LMBRD2: variants seen among roughly 807,000 people sequenced by gnomAD.
LMBRD2 encodes LMBR1 domain containing 2.
LMBRD2 carries 55 observed loss-of-function variants against 94.4 expected under a neutral mutation model. The ratio of observed to expected loss-of-function variants is 0.58; its 90% CI spans 0.47 to 0.73. The LOEUF (loss-of-function observed/expected upper bound fraction) is 0.73. Ranked by LOEUF, LMBRD2 falls within the 30% of genes least tolerant of loss-of-function variation. LMBRD2 has a pLI of 0.00. For missense variants in LMBRD2, 640 were observed against 831.9 expected (o/e 0.77, Z 2.84); for synonymous variants, 246 against 272.4 (o/e 0.90, Z 0.95).
intron 13 of LMBRD2, among the ~76,000 whole-genome samples, chr5:36,113,490 T>C (rs1368928502): frequency 6.6e-6 from 1 of 152,090 alleles, no homozygotes; most frequent in African/African-American, 2.4e-5. Flanking sequence ...CTGCTACAAT[T>C]TGAAGTTATA....
chr5:36,099,652 T>C lies in LMBRD2; in HGVS notation c.*4394A>G, dbSNP rs1249393253. The C allele has an allele frequency of 6.6e-6, 1 of 152,170 alleles. No homozygotes were observed. Among genetic ancestry groups the C allele is most frequent in the Non-Finnish European group, 1.5e-5 (1 of 68,012 alleles). 9.4% of individuals were successfully genotyped at this position (152,170 alleles called of 1,614,324 possible). A position where few individuals can be genotyped will look rare whatever the true frequency, so the allele number is the denominator to read the frequency against. On this transcript the variant is annotated 3_prime_UTR_variant, in exon 18 of 18. Transcript: ENST00000296603. Reference sequence around the variant, plus strand: ...GTCTGCAATAGTAAATCATTCTTTCTACTCTTTTGAACTAAGTACAGTAAA... The same window carrying C: ...GTCTGCAATAGTAAATCATTCTTTCCACTCTTTTGAACTAAGTACAGTAAA...
rs1744434248 is a variant in LMBRD2, at chr5:36,142,497, A to T, written c.272+5T>A. The T allele has an allele frequency of 6.5e-7, 1 of 1,539,560 alleles. No individual in the cohort carries two copies. Among genetic ancestry groups the T allele is most frequent in the Non-Finnish European group, 9.0e-7 (1 of 1,116,048 alleles). On this transcript the variant is annotated splice_donor_5th_base_variant and intron_variant, in intron 3 of 17. Transcript: ENST00000296603. ...TTTATATATTTTTTTTAAAAAAGGA[A>T]ATACCTTGGAACAGGGTTAGCAGTT...
Position 36,123,852 on chromosome 5 carries a change from A to C in LMBRD2, c.822+339T>G, listed in dbSNP as rs1042652439. ...TAACGTGTAGGCAGCTGATTGTAAG[A>C]TATTACTGAGGCCTTGGTTTATTTT... On this transcript the variant is annotated intron_variant, in intron 7 of 17. Coordinates refer to ENST00000296603, the MANE Select transcript of LMBRD2 (RefSeq NM_001007527.2). Among the ~76,000 whole-genome samples, 3 of 151,892 alleles carry C rather than the reference A, an allele frequency of 2.0e-5. No homozygotes were observed. The South Asian group carries it at 6.2e-4, about 31-fold the overall frequency.
intron 1 of LMBRD2, among the ~76,000 whole-genome samples, chr5:36,147,403 G>A (rs527275691): frequency 6.6e-6 from 1 of 152,068 alleles, no homozygotes; most frequent in Non-Finnish European, 1.5e-5. Context: ...AAATGGGGAG[G>A]TAAATAAAAA....
chr5:36,110,980 T>C (rs1358266151), intron 14 of LMBRD2, among the ~76,000 whole-genome samples, 175 bp downstream of exon 14: 1 of 152,122 alleles, frequency 6.6e-6, no homozygotes, highest in Non-Finnish European at 1.5e-5. Context: ...ATTCATGTTT[T>C]CAAATTATTT....
intron 5 of LMBRD2, 52 bp from the exon 6 acceptor site, chr5:36,136,571 T>C: frequency 2.0e-6 from 3 of 1,503,834 alleles, no homozygotes; most frequent in Non-Finnish European, 2.8e-6. Flanking sequence ...AAAGATAAAA[T>C]GCGACTGCAT....
intron 16 of LMBRD2, among the ~76,000 whole-genome samples, chr5:36,107,233 CT>C (rs940860004): frequency 2.7e-4 from 41 of 152,256 alleles, no homozygotes; most frequent in African/African-American, 8.7e-4. Flanking sequence ...AAATTCCCCC[CT>C]ATCTGTTCAT....
intron 6 of LMBRD2, among the ~76,000 whole-genome samples, chr5:36,129,079 A>T (rs1331027147): frequency 6.6e-6 from 1 of 152,170 alleles, no homozygotes; most frequent in East Asian, 1.9e-4. Context: ...AAAAAATAAT[A>T]AAAAAGAATG....
intron 9 of LMBRD2, among the ~76,000 whole-genome samples, chr5:36,120,459 C>T (rs567859272): frequency 6.6e-6 from 1 of 152,268 alleles, no homozygotes; most frequent in Non-Finnish European, 1.5e-5. Flanking sequence ...CGGGGTTTCA[C>T]CATGTTGGCC....
intron 1 of LMBRD2, among the ~76,000 whole-genome samples, chr5:36,149,530 A>G (rs1420574230): frequency 6.6e-6 from 1 of 152,238 alleles, no homozygotes; most frequent in Non-Finnish European, 1.5e-5. Flanking sequence ...TCCAGGACAG[A>G]TGCTGGAACT....
At chr5:36,120,001 CT>C (rs1309588932) in intron 9 of LMBRD2, among the ~76,000 whole-genome samples, 2 of 142,598 alleles carry the variant, frequency 1.4e-5, no homozygotes, top group African/African-American at 5.7e-5. Flanking sequence ...TTTTCTTTCT[CT>C]TTCTTTCTTT....
At position 36,099,498 on chromosome 5, in the gene LMBRD2, G is replaced by A. The variant is rs537820692; in HGVS notation, c.*4548C>T. ...CCCTACAACTTGGTATGCTAAGTAC[G>A]GAAGATGCTTGCCAGCATTGTTGAG... is the stretch of plus-strand genomic sequence containing the variant. On this transcript the variant is annotated 3_prime_UTR_variant, in exon 18 of 18. Transcript: ENST00000296603. 15 of 152,180 alleles carry A rather than the reference G, an allele frequency of 9.9e-5. No homozygotes were observed. The highest frequency in any genetic ancestry group is 3.1e-4 in the African/African-American group (13 of 41,544). The allele number at this position is 152,180 out of a possible 1,614,324, so 9.4% of individuals were successfully genotyped here.
Position 36,105,059 on chromosome 5 carries a change from A to G in LMBRD2, c.2027+9T>C, listed in dbSNP as rs768193470. 1 of 1,611,408 alleles carries G rather than the reference A, an allele frequency of 6.2e-7. No individual in the cohort carries two copies. Among genetic ancestry groups the G allele is most frequent in the African/African-American group, 1.3e-5 (1 of 74,936 alleles). ...ATGCTAGAGCTAAAATGTCACAGCC[A>G]GAACTTACCTTCCTGATTCAGATTC... On this transcript the variant is annotated intron_variant, in intron 17 of 17. Coordinates refer to ENST00000296603, the MANE Select transcript of LMBRD2 (RefSeq NM_001007527.2).
intron 6 of LMBRD2, among the ~76,000 whole-genome samples, chr5:36,131,154 A>G (rs1744141847): frequency 6.6e-6 from 1 of 152,180 alleles, no homozygotes; most frequent in Admixed American, 6.6e-5. Context: ...ATTCAGATTT[A>G]TACTAGGAAT....
At chr5:36,122,785 G>T in intron 8 of LMBRD2, 63 bp downstream of exon 8, 2 of 1,511,598 alleles carry the variant, frequency 1.3e-6, no homozygotes, top group Non-Finnish European at 8.8e-7. Flanking sequence ...TTTTTTATGA[G>T]CAATGATTAG....
At chr5:36,111,029 T>A in intron 14 of LMBRD2, 126 bp downstream of exon 14, 1 of 610,844 alleles carries the variant, frequency 1.6e-6, no homozygotes, top group Non-Finnish European at 2.8e-6. Flanking sequence ...GCTAAAAATG[T>A]GCATTAATTC....
chr5:36,125,154 A>C (rs1743980054), intron 6 of LMBRD2, among the ~76,000 whole-genome samples: 1 of 152,184 alleles, frequency 6.6e-6, no homozygotes, highest in African/African-American at 2.4e-5. Context: ...AAAGGGTTAA[A>C]GAGAAGACTC....
intron 6 of LMBRD2, among the ~76,000 whole-genome samples, chr5:36,130,168 C>T (rs1037185936): frequency 1.3e-5 from 2 of 151,700 alleles, no homozygotes; most frequent in African/African-American, 2.4e-5. Flanking sequence ...CACATGTACG[C>T]TAAAACTTAA....
At position 36,105,052 on chromosome 5, in the gene LMBRD2, C is replaced by G; in HGVS notation, c.2027+16G>C. ...TAGAGGAATGCTAGAGCTAAAATGT[C>G]ACAGCCAGAACTTACCTTCCTGATT... On this transcript the variant is annotated intron_variant, in intron 17 of 17. Transcript: ENST00000296603. The G allele has an allele frequency of 1.2e-6, 2 of 1,609,684 alleles. No individual in the cohort carries two copies. The highest frequency in any genetic ancestry group is 2.2e-5 in the South Asian group (2 of 90,282).
Sources: allele counts gnomAD v4.1 joint callset (sites outside exome capture counted in the v4.1 genomes callset), GRCh38; gene constraint gnomAD v4.1.1; transcripts MANE v1.5; gene names NCBI Gene and HGNC (gene_info 2026-07-23, HGNC 2026-07-21).